The following MACROH2A1 variants were observed in gnomAD, a reference collection of about 807,000 sequenced individuals.
MACROH2A1 encodes macroH2A.1 histone.
Under a neutral mutation model 31.6 loss-of-function variants are expected in MACROH2A1, and 2 were observed. The ratio of observed to expected loss-of-function variants is 0.06; its 90% CI spans 0.03 to 0.20. The LOEUF is 0.20. MACROH2A1 is among the 10% of genes least tolerant of loss of function. The probability of loss-of-function intolerance (pLI) is 1.00; values close to 1 mark genes in which losing one functional copy is unlikely to be tolerated. For missense variants in MACROH2A1, 230 were observed against 474.0 expected, an observed-to-expected ratio of 0.49 and a Z score of 4.78; for synonymous variants, 169 against 189.6, an observed-to-expected ratio of 0.89 and a Z score of 0.89.
At chr5:135,374,329 AG>A (rs1764578945) in intron 2 of MACROH2A1, among the ~76,000 whole-genome samples, 1 of 152,134 alleles carries the variant, frequency 6.6e-6, no homozygotes, top group East Asian at 1.9e-4. Flanking sequence ...GGGAGCGGAG[AG>A]GGTGACTGAC....
At position 135,334,868 on chromosome 5, in the gene MACROH2A1, A is replaced by C; in HGVS notation, c.*108T>G. On this transcript the variant is annotated 3_prime_UTR_variant, in exon 9 of 9. Transcript: ENST00000511689. ...GCCTTATTTTCCCTAGATGAGCAAA[A>C]CTGAAAATGAAAGGGGTCCCACCTC... 1 of 923,248 alleles carries C rather than the reference A, an allele frequency of 1.1e-6. No individual in the cohort carries two copies. Among genetic ancestry groups the C allele is most frequent in the South Asian group, 1.7e-5 (1 of 59,960 alleles). The allele number at this position is 923,248 out of a possible 1,614,324, so 57.2% of individuals were successfully genotyped here. A position where few individuals can be genotyped will look rare whatever the true frequency, so the allele number is the denominator to read the frequency against.
At chr5:135,361,021 T>A in intron 4 of MACROH2A1, 1 of 342,046 alleles carries the variant, frequency 2.9e-6, no homozygotes, top group South Asian at 2.3e-5. Context: ...AAAAGCCGAC[T>A]AAGGACTATA....
At chr5:135,378,991 T>C (rs1196695248) in intron 2 of MACROH2A1, among the ~76,000 whole-genome samples, 7 of 152,296 alleles carry the variant, frequency 4.6e-5, no homozygotes, top group East Asian at 1.9e-4. Context: ...ACAGCAGATA[T>C]TGACTTTTAG....
At chr5:135,393,785 TG>T (rs1767580069) in intron 1 of MACROH2A1, among the ~76,000 whole-genome samples, 1 of 152,254 alleles carries the variant, frequency 6.6e-6, no homozygotes, top group Admixed American at 6.5e-5. Context: ...ATGAAGGTTC[TG>T]TGATTGATCT....
At chr5:135,335,627 C>CCT (rs879594339) in intron 8 of MACROH2A1, among the ~76,000 whole-genome samples, 28 of 152,146 alleles carry the variant, frequency 1.8e-4, no homozygotes, top group Admixed American at 9.8e-4. Flanking sequence ...AGGAATCCAC[C>CCT]CTCTAACACA....
chr5:135,366,037 T>G (rs1008005106), intron 4 of MACROH2A1, among the ~76,000 whole-genome samples: 1 of 152,220 alleles, frequency 6.6e-6, no homozygotes, highest in African/African-American at 2.4e-5. Context: ...GTGAATGAGT[T>G]CTCATGAAAT....
chr5:135,367,259 C>T (rs1763622966), intron 4 of MACROH2A1, among the ~76,000 whole-genome samples: 1 of 152,162 alleles, frequency 6.6e-6, no homozygotes, highest in Non-Finnish European at 1.5e-5. Flanking sequence ...ATTAGCTGTT[C>T]ACGGTTCCAA....
chr5:135,394,001 C>T (rs2149990069), intron 1 of MACROH2A1, among the ~76,000 whole-genome samples: 1 of 152,274 alleles, frequency 6.6e-6, no homozygotes, highest in South Asian at 2.1e-4. Flanking sequence ...TGGAGCAACG[C>T]AGTCAGTTCT....
chr5:135,387,638 T>C (rs1022757779), intron 2 of MACROH2A1, among the ~76,000 whole-genome samples: 32 of 152,148 alleles, frequency 2.1e-4, no homozygotes, highest in African/African-American at 7.5e-4. Flanking sequence ...ACAGCAGGAT[T>C]TGGGTCCCTT....
intron 1 of MACROH2A1, among the ~76,000 whole-genome samples, chr5:135,391,841 C>G (rs1052864292): frequency 6.6e-6 from 1 of 152,202 alleles, no homozygotes; most frequent in Non-Finnish European, 1.5e-5. Flanking sequence ...TGCGTTGGTT[C>G]AGCCTCTTTA....
chr5:135,386,143 G>A (rs531329841), intron 2 of MACROH2A1, among the ~76,000 whole-genome samples: 2 of 152,316 alleles, frequency 1.3e-5, no homozygotes, highest in East Asian at 3.9e-4. Flanking sequence ...CTGCCCAATC[G>A]GCTAAGGGCT....
intron 2 of MACROH2A1, among the ~76,000 whole-genome samples, chr5:135,385,224 C>T (rs182509344): frequency 2.0e-5 from 3 of 152,354 alleles, no homozygotes; most frequent in Admixed American, 6.5e-5. Flanking sequence ...GAGAAGAAAA[C>T]AATCCCTTCT....
At position 135,384,183 on chromosome 5, in the gene MACROH2A1, TA is replaced by T. The variant is rs2092017829; in HGVS notation, c.172+4738del. On this transcript the variant is annotated intron_variant, in intron 2 of 8. Coordinates refer to ENST00000511689, the MANE Select transcript of MACROH2A1 (RefSeq NM_138610.3). The stretch of plus-strand genomic sequence containing the variant: ...ATGCTGGCTGAAATGAGTATCAGTG[TA>T]ACAGGATGTGCTGCTGACAGGAACA... 2.6e-5 allele frequency among the ~76,000 whole-genome samples: 4 copies of T among 152,262 alleles called. No individual in the cohort carries two copies. In the South Asian group the frequency reaches 8.3e-4, roughly 32 times the overall value.
chr5:135,346,379 C>T (rs1760841464), intron 6 of MACROH2A1: 2 of 301,180 alleles, frequency 6.6e-6, no homozygotes, highest in South Asian at 4.0e-5. Context: ...GTCCTGGATG[C>T]TTTTCATTGG....
chr5:135,391,840 T>C (rs2149978643), intron 1 of MACROH2A1, among the ~76,000 whole-genome samples: 1 of 152,330 alleles, frequency 6.6e-6, no homozygotes, highest in South Asian at 2.1e-4. Context: ...CTGCGTTGGT[T>C]CAGCCTCTTT....
At position 135,369,958 on chromosome 5, in the gene MACROH2A1, C is replaced by T. The variant is rs17674861; in HGVS notation, c.279+78G>A. The T allele has an allele frequency of 0.022, 20,832 of 947,084 alleles. 287 individuals are homozygous for T. Among genetic ancestry groups the T allele is most frequent in the Non-Finnish European group, 0.028 (16,927 of 605,424 alleles). 58.7% of individuals were successfully genotyped at this position (947,084 alleles called of 1,614,324 possible). Reference sequence around the variant, plus strand: ...CCACACCTTTCATAACCAGCCAACACCAAAGCCTCTCAGCTATGTTTCTTG... The same window carrying T: ...CCACACCTTTCATAACCAGCCAACATCAAAGCCTCTCAGCTATGTTTCTTG... On this transcript the variant is annotated intron_variant, in intron 3 of 8. Transcript: ENST00000511689. This position sits in a 1 kb window ranked among gnomAD's most constrained non-coding sequence, Gnocchi z 4.3.
chr5:135,388,751 A>G (rs534853094), intron 2 of MACROH2A1, among the ~76,000 whole-genome samples, 171 bp downstream of exon 2: 2 of 152,364 alleles, frequency 1.3e-5, no homozygotes, highest in Admixed American at 1.3e-4. Context: ...AGATGAGGCA[A>G]GATGTTAACA....
intron 2 of MACROH2A1, among the ~76,000 whole-genome samples, chr5:135,386,802 A>G (rs1481634103): frequency 6.6e-6 from 1 of 152,256 alleles, no homozygotes; most frequent in Non-Finnish European, 1.5e-5. Flanking sequence ...GGTATTCCCC[A>G]TTCATGCCCT....
At chr5:135,378,658 T>C (rs754171341) in intron 2 of MACROH2A1, among the ~76,000 whole-genome samples, 1 of 152,134 alleles carries the variant, frequency 6.6e-6, no homozygotes, top group Non-Finnish European at 1.5e-5. Context: ...TTCTGTGCTG[T>C]GTGATTTTGG....
Sources: gnomAD v4.1 joint callset for allele counts (sites outside exome capture counted in the v4.1 genomes callset) on GRCh38, gnomAD v4.1.1 for gene constraint, Gnocchi (gnomAD v3.1) non-coding constraint, MANE v1.5 for transcripts, NCBI Gene and HGNC (gene_info 2026-07-23, HGNC 2026-07-21) for gene names.